Variants in MAP3K7CL observed in about 807,000 individuals in gnomAD.
MAP3K7CL encodes MAP3K7 C-terminal-like protein.
In MAP3K7CL, 16 loss-of-function variants were observed where a neutral mutation model predicts 18.6. The observed-to-expected ratio is 0.86, with a 90% CI of 0.58 to 1.31. The LOEUF is 1.31. MAP3K7CL is among the 50% of genes most tolerant of loss of function. The pLI is 0.00. For synonymous variants in MAP3K7CL, 65 were observed against 66.8 expected (o/e 0.97, Z 0.13); for missense variants, 163 against 174.4 (o/e 0.93, Z 0.37).
intron 2 of MAP3K7CL, among the ~76,000 whole-genome samples, chr21:29,134,062 A>G (rs939884601): frequency 6.6e-5 from 10 of 152,246 alleles, no homozygotes; most frequent in African/African-American, 2.2e-4. Context: ...TGCTGAGGAA[A>G]GGAAGGCTTG....
intron 4 of MAP3K7CL, among the ~76,000 whole-genome samples, chr21:29,161,091 A>G (rs1382865782): frequency 1.3e-5 from 2 of 152,240 alleles, no homozygotes; most frequent in African/African-American, 4.8e-5. Flanking sequence ...CTGGTAGATC[A>G]CCTGAGGTCA....
chr21:29,148,810 G>A (rs1317111480), intron 2 of MAP3K7CL, among the ~76,000 whole-genome samples: 2 of 152,276 alleles, frequency 1.3e-5, no homozygotes, highest in East Asian at 3.9e-4. Flanking sequence ...TCACTAACAT[G>A]TTCTCCTGTC....
intron 3 of MAP3K7CL, among the ~76,000 whole-genome samples, chr21:29,157,679 C>T (rs1286615488): frequency 6.6e-6 from 1 of 152,160 alleles, no homozygotes; most frequent in Admixed American, 6.5e-5. Context: ...CATGATCGCT[C>T]TACCTATAGA....
chr21:29,090,050 A>G (rs936044071), intron 1 of MAP3K7CL, among the ~76,000 whole-genome samples: 3 of 152,248 alleles, frequency 2.0e-5, no homozygotes, highest in Non-Finnish European at 4.4e-5. Flanking sequence ...TTTCACCATT[A>G]TTGAATCAGT....
intron 4 of MAP3K7CL, among the ~76,000 whole-genome samples, chr21:29,103,987 A>G (rs1185100745): frequency 6.6e-6 from 1 of 152,158 alleles, no homozygotes. Context: ...GCACAGCAGT[A>G]GATACCTAAT....
At chr21:29,167,277 A>G (rs2087711041) in intron 4 of MAP3K7CL, among the ~76,000 whole-genome samples, 1 of 152,188 alleles carries the variant, frequency 6.6e-6, no homozygotes, top group African/African-American at 2.4e-5. Context: ...AAAATGTTAC[A>G]TAATTTTAGT....
chr21:29,112,614 T>C (rs1413160500), intron 4 of MAP3K7CL, among the ~76,000 whole-genome samples: 2 of 152,122 alleles, frequency 1.3e-5, no homozygotes, highest in Non-Finnish European at 2.9e-5. Context: ...TTCTTTCTTT[T>C]CCCTTGATAA....
At chr21:29,106,245 G>A (rs964172214) in intron 4 of MAP3K7CL, among the ~76,000 whole-genome samples, 1 of 151,998 alleles carries the variant, frequency 6.6e-6, no homozygotes, top group Admixed American at 6.6e-5. Flanking sequence ...GGAGTACAGC[G>A]GCATGATCTC....
intron 3 of MAP3K7CL, among the ~76,000 whole-genome samples, chr21:29,157,818 C>T (rs1259054548): frequency 6.6e-6 from 1 of 152,172 alleles, no homozygotes; most frequent in Non-Finnish European, 1.5e-5. Flanking sequence ...AGGCCTCTCC[C>T]TTCTTAAGAA....
intron 1 of MAP3K7CL, among the ~76,000 whole-genome samples, chr21:29,090,623 C>T (rs1007487218): frequency 2.0e-5 from 3 of 152,148 alleles, no homozygotes; most frequent in Non-Finnish European, 4.4e-5. Context: ...TCGTGATCCG[C>T]CTGCCTTGGC....
At chr21:29,139,898 T>A (rs1265032884) in intron 2 of MAP3K7CL, among the ~76,000 whole-genome samples, 4 of 133,206 alleles carry the variant, frequency 3.0e-5, no homozygotes, top group Non-Finnish European at 6.1e-5. Flanking sequence ...TCTCTGGCTT[T>A]TTTTTTTTTT....
At chr21:29,159,649 C>CAAAGG (rs2087493440) in intron 3 of MAP3K7CL, among the ~76,000 whole-genome samples, 1 of 152,040 alleles carries the variant, frequency 6.6e-6, no homozygotes, top group African/African-American at 2.4e-5. Flanking sequence ...ATTTTTACTC[C>CAAAGG]ATCACAAGGC....
intron 4 of MAP3K7CL, among the ~76,000 whole-genome samples, chr21:29,097,588 C>T (rs1411378405): frequency 6.6e-6 from 1 of 151,992 alleles, no homozygotes; most frequent in African/African-American, 2.4e-5. Flanking sequence ...TACATAGTCT[C>T]CCTTACAAGT....
At chr21:29,108,201 G>A (rs1284973547) in intron 4 of MAP3K7CL, among the ~76,000 whole-genome samples, 1 of 152,080 alleles carries the variant, frequency 6.6e-6, no homozygotes, top group African/African-American at 2.4e-5. Context: ...GTAAGAGTGG[G>A]ACCCTGATCA....
chr21:29,170,657 T>G (rs977064929), intron 4 of MAP3K7CL, among the ~76,000 whole-genome samples: 6 of 152,038 alleles, frequency 3.9e-5, no homozygotes, highest in Admixed American at 6.5e-5. Context: ...TCTTTTTTTT[T>G]GGAATGGAGT....
intron 4 of MAP3K7CL, among the ~76,000 whole-genome samples, chr21:29,163,406 A>C (rs969182973): frequency 6.6e-6 from 1 of 151,916 alleles, no homozygotes; most frequent in African/African-American, 2.4e-5. Context: ...CTTCATTCTC[A>C]CTTCTACCAT....
At chr21:29,097,842 A>G (rs1387641832) in intron 4 of MAP3K7CL, among the ~76,000 whole-genome samples, 1 of 152,202 alleles carries the variant, frequency 6.6e-6, no homozygotes, top group Non-Finnish European at 1.5e-5. Flanking sequence ...TTTTAGCTCA[A>G]TTAACATAAA....
chr21:29,105,587 A>G (rs959536408), intron 4 of MAP3K7CL, among the ~76,000 whole-genome samples: 63 of 152,178 alleles, frequency 4.1e-4, no homozygotes, highest in Admixed American at 1.3e-4. Flanking sequence ...GGGGCAAGAG[A>G]TTCCAGGCAG....
intron 1 of MAP3K7CL, chr21:29,131,207 G>A (rs2086774078): frequency 6.6e-6 from 1 of 152,188 alleles, no homozygotes; most frequent in Admixed American, 6.5e-5. Flanking sequence ...TCCTGTAGCT[G>A]GAAACCATAC....
Sources: allele counts gnomAD v4.1 joint callset (sites outside exome capture counted in the v4.1 genomes callset), GRCh38; gene constraint gnomAD v4.1.1; transcripts MANE v1.5; gene names NCBI Gene and HGNC (gene_info 2026-07-23, HGNC 2026-07-21).